The following WWOX variants were observed in gnomAD, a reference collection of about 807,000 sequenced individuals.
WWOX encodes the protein WW domain containing oxidoreductase.
WWOX carries 69 observed loss-of-function variants against 46.2 expected under a neutral mutation model. The ratio of observed to expected loss-of-function variants is 1.49; its 90% confidence interval spans 1.23 to 1.82. The LOEUF (loss-of-function observed/expected upper bound fraction) is 1.82. WWOX is among the 40% of genes most tolerant of loss of function. WWOX has a pLI of 0.00. For synonymous variants in WWOX, 359 were observed against 202.6 expected, an observed-to-expected ratio of 1.77 and a Z score of -6.56; for missense variants, 919 against 542.6, an observed-to-expected ratio of 1.69 and a Z score of -6.89.
intron 8 of WWOX, chr16:79,017,256 C>G (rs897164594): frequency 6.6e-6 from 1 of 150,936 alleles, no homozygotes; most frequent in Non-Finnish European, 1.5e-5. Flanking sequence ...CAGTGAAACC[C>G]CATATCTCCT....
intron 8 of WWOX, among the ~76,000 whole-genome samples, chr16:79,195,797 C>A (rs1011679120): frequency 7.9e-5 from 12 of 152,280 alleles, no homozygotes; most frequent in African/African-American, 2.9e-4. Context: ...AGCACAAGAT[C>A]AGTGACTGGG....
intron 8 of WWOX, among the ~76,000 whole-genome samples, chr16:78,644,593 C>G (rs773416242): frequency 8.5e-5 from 13 of 152,102 alleles, no homozygotes; most frequent in Admixed American, 3.9e-4. Context: ...TCCCAAGTAC[C>G]TGGGATTACA....
In WWOX at chr16:79,045,778, T is replaced by C. The variant is rs540791762; in HGVS notation, c.1057-165830T>C. Among the ~76,000 whole-genome samples the C allele has an allele frequency of 3.8e-3, 520 of 138,366 alleles. 6 individuals are homozygous for C. The highest frequency in any genetic ancestry group is 0.012 in the African/African-American group (458 of 37,542). 90.8% of individuals were successfully genotyped at this position (138,366 alleles called of 152,430 possible). A position where few individuals can be genotyped will look rare whatever the true frequency, so the allele number is the denominator to read the frequency against. On this transcript the variant is annotated intron_variant, in intron 8 of 8. Coordinates refer to ENST00000566780, the MANE Select transcript of WWOX (RefSeq NM_016373.4). The stretch of plus-strand genomic sequence containing the variant: ...GGAGCTCGTCTTTCCTTTTTTCTTT[T>C]CCTTTTTTTTTTTTTTTTTTTTTTT...
intron 8 of WWOX, among the ~76,000 whole-genome samples, chr16:78,631,749 C>G (rs762279422): frequency 1.3e-5 from 2 of 152,130 alleles, no homozygotes; most frequent in African/African-American, 2.4e-5. Context: ...TAGTCTCTAA[C>G]TCCTGGGCTC....
intron 5 of WWOX, among the ~76,000 whole-genome samples, chr16:78,256,507 AG>A (rs1449904147): frequency 6.6e-6 from 1 of 151,840 alleles, no homozygotes; most frequent in Non-Finnish European, 1.5e-5. Context: ...TCAGACTTGG[AG>A]GACAGAGCTT....
At chr16:79,211,575 A>G (rs751871098) in intron 8 of WWOX, 33 bp from the exon 9 acceptor site, 7 of 1,613,878 alleles carry the variant, frequency 4.3e-6, no homozygotes, top group South Asian at 3.3e-5. Flanking sequence ...CTTTTCTTAA[A>G]ATTTTTTTTT....
chr16:78,534,602 G>A (rs1257490762), intron 8 of WWOX: 1 of 152,166 alleles, frequency 6.6e-6, no homozygotes, highest in East Asian at 1.9e-4. Context: ...TAGGGAAGAT[G>A]GCCCCTATGG....
At chr16:79,053,471 T>A (rs1030533000) in intron 8 of WWOX, among the ~76,000 whole-genome samples, 2 of 152,174 alleles carry the variant, frequency 1.3e-5, no homozygotes, top group African/African-American at 2.4e-5. Flanking sequence ...TTAGATTAAT[T>A]AGGTTTATAA....
intron 8 of WWOX, among the ~76,000 whole-genome samples, chr16:78,478,537 A>T (rs1466741823): frequency 1.3e-5 from 2 of 151,746 alleles, no homozygotes; most frequent in Non-Finnish European, 2.9e-5. Context: ...TTGGCAGCCT[A>T]CTCTCCTCTC....
intron 8 of WWOX, among the ~76,000 whole-genome samples, chr16:79,111,298 G>T (rs146383818): frequency 9.2e-5 from 14 of 152,288 alleles, no homozygotes; most frequent in African/African-American, 3.4e-4. Context: ...TTTTCTCATT[G>T]TTTCTCTGTC....
rs34201735 is a variant in WWOX, at chr16:78,731,862, T to TTTTTTTTTG, written c.1056+299111_1056+299112insTTTTTTTGT. ...TTCTTTCTCTTTTTTTTTTTTTTTT[T>TTTTTTTTTG]TGAGAGACAGGGTCTTGCTTTATAG... On this transcript the variant is annotated intron_variant, in intron 8 of 8. Coordinates refer to ENST00000566780, the MANE Select transcript of WWOX (RefSeq NM_016373.4). Among the ~76,000 whole-genome samples, 14 of 137,792 alleles carry TTTTTTTTTG rather than the reference T, an allele frequency of 1.0e-4. 1 individual carries two copies. Among genetic ancestry groups the TTTTTTTTTG allele is most frequent in the African/African-American group, 2.8e-4 (9 of 32,228 alleles). The allele number at this position is 137,792 out of a possible 152,430, so 90.4% of individuals were successfully genotyped here.
chr16:79,096,729 G>C (rs1307202136), intron 8 of WWOX, among the ~76,000 whole-genome samples: 1 of 152,156 alleles, frequency 6.6e-6, no homozygotes, highest in African/African-American at 2.4e-5. Context: ...GGCTCCAACA[G>C]GGCAGGTATT....
At chr16:78,414,569 CAA>C (rs2082756350) in intron 6 of WWOX, among the ~76,000 whole-genome samples, 1 of 148,678 alleles carries the variant, frequency 6.7e-6, no homozygotes. Flanking sequence ...TGTCTTAAAA[CAA>C]ACAAACAAAC....
intron 8 of WWOX, among the ~76,000 whole-genome samples, chr16:78,482,727 A>G (rs2084526228): frequency 6.6e-6 from 1 of 152,196 alleles, no homozygotes; most frequent in Non-Finnish European, 1.5e-5. Flanking sequence ...TAAGTGGCAG[A>G]GCACTTATTG....
At chr16:78,321,789 C>G (rs1010116506) in intron 5 of WWOX, among the ~76,000 whole-genome samples, 3 of 152,094 alleles carry the variant, frequency 2.0e-5, no homozygotes, top group Non-Finnish European at 2.9e-5. Flanking sequence ...CAGTGGCTGT[C>G]GTCTGTTAGT....
intron 8 of WWOX, chr16:78,534,435 A>C (rs1342273454): frequency 6.6e-6 from 1 of 152,230 alleles, no homozygotes; most frequent in Non-Finnish European, 1.5e-5. Context: ...GAAAGAAGAC[A>C]GACAGTGTAA....
intron 5 of WWOX, among the ~76,000 whole-genome samples, chr16:78,291,842 GAGCTGAGAGGTCTGATGGCCGCC>G (rs536277175): frequency 1.6e-3 from 246 of 152,256 alleles, no homozygotes; most frequent in South Asian, 3.1e-3. Context: ...TCTTTGCAGT[GAGCTGAGAGGTCTGATGGCCGCC>G]AGCTGAGGGA....
intron 8 of WWOX, among the ~76,000 whole-genome samples, chr16:78,955,584 A>T (rs911756373): frequency 3.9e-4 from 60 of 152,102 alleles, no homozygotes; most frequent in Non-Finnish European, 7.8e-4. Flanking sequence ...TACTTTATGA[A>T]ACCTCTTTTA....
chr16:79,085,344 A>T (rs1399381580), intron 8 of WWOX, among the ~76,000 whole-genome samples: 1 of 152,178 alleles, frequency 6.6e-6, no homozygotes, highest in Admixed American at 6.5e-5. Context: ...CAAGAAAATG[A>T]TATGAGGTTG....
Sources: allele counts gnomAD v4.1 joint callset (sites outside exome capture counted in the v4.1 genomes callset), GRCh38; gene constraint gnomAD v4.1.1; transcripts MANE v1.5; gene names NCBI Gene and HGNC (gene_info 2026-07-23, HGNC 2026-07-21).